The following TCF4 variants were observed in gnomAD, a reference collection of about 807,000 sequenced individuals.
The protein encoded by TCF4 is transcription factor 4, also known as SL3-3 enhancer factor 2.
TCF4 carries 3 observed loss-of-function variants against 82.1 expected under a neutral mutation model. The observed-to-expected ratio is 0.04, with a 90% confidence interval of 0.02 to 0.09. The LOEUF (loss-of-function observed/expected upper bound fraction) is 0.09. Ranked by LOEUF, TCF4 falls within the 10% of genes least tolerant of loss-of-function variation. TCF4 has a pLI of 1.00. For synonymous variants in TCF4, 276 were observed against 309.6 expected (o/e 0.89, Z 1.14); for missense variants, 518 against 852.7 (o/e 0.61, Z 4.89).
intron 3 of TCF4, 75 bp downstream of exon 3, chr18:55,585,205 G>A (rs2097627895): frequency 1.4e-6 from 2 of 1,413,214 alleles, no homozygotes; most frequent in East Asian, 2.3e-5. Flanking sequence ...CTCTTCAACA[G>A]AGCCAAAAAC....
chr18:55,429,900 T>C (rs150917843), intron 5 of TCF4, among the ~76,000 whole-genome samples: 83 of 150,740 alleles, frequency 5.5e-4, no homozygotes, highest in African/African-American at 1.8e-3. Flanking sequence ...TCAGAAACTA[T>C]CACAGTTTGG....
chr18:55,388,419 G>A (rs1044300038), intron 6 of TCF4, among the ~76,000 whole-genome samples: 1 of 152,298 alleles, frequency 6.6e-6, no homozygotes. Flanking sequence ...TACGCACCAC[G>A]CTATTGCAAC....
chr18:55,583,077 T>C (rs1810919048), intron 3 of TCF4, among the ~76,000 whole-genome samples: 1 of 152,148 alleles, frequency 6.6e-6, no homozygotes, highest in Non-Finnish European at 1.5e-5. Flanking sequence ...CACTCCAATC[T>C]GTACCCTACA....
intron 3 of TCF4, among the ~76,000 whole-genome samples, chr18:55,540,280 C>A (rs2097154532): frequency 6.6e-6 from 1 of 152,016 alleles, no homozygotes; most frequent in South Asian, 2.1e-4. Context: ...AGGAAATCTG[C>A]AGAACCCCCA....
At chr18:55,251,344 A>G (rs2055031850) in intron 15 of TCF4, among the ~76,000 whole-genome samples, 1 of 152,124 alleles carries the variant, frequency 6.6e-6, no homozygotes, top group Admixed American at 6.6e-5. Flanking sequence ...CCCTTTCATT[A>G]TACTAATACT....
At chr18:55,310,305 T>C (rs558494590) in intron 8 of TCF4, among the ~76,000 whole-genome samples, 3 of 152,202 alleles carry the variant, frequency 2.0e-5, no homozygotes, top group Non-Finnish European at 2.9e-5. Context: ...ACCAAAGATA[T>C]ACTGCAAATC....
chr18:55,475,223 C>T (rs951679921), intron 3 of TCF4, among the ~76,000 whole-genome samples: 5 of 152,192 alleles, frequency 3.3e-5, no homozygotes, highest in African/African-American at 7.2e-5. Flanking sequence ...GACATAATTC[C>T]TCAGCCTTTT....
intron 6 of TCF4, among the ~76,000 whole-genome samples, chr18:55,362,085 G>T (rs1184213090): frequency 6.6e-6 from 1 of 152,086 alleles, no homozygotes; most frequent in African/African-American, 2.4e-5. Context: ...CATGCTTGGA[G>T]CCTCCCAACT....
At chr18:55,616,375 A>C (rs2097712028) in intron 2 of TCF4, among the ~76,000 whole-genome samples, 1 of 152,046 alleles carries the variant, frequency 6.6e-6, no homozygotes, top group African/African-American at 2.4e-5. Context: ...CCATTGATAG[A>C]GATTAAGATT....
At chr18:55,579,277 T>C (rs555493550) in intron 3 of TCF4, among the ~76,000 whole-genome samples, 2 of 151,790 alleles carry the variant, frequency 1.3e-5, no homozygotes, top group Non-Finnish European at 1.5e-5. Context: ...GTAGCTCACA[T>C]ATAAGCTAAT....
chr18:55,468,449 G>A (rs972744885), intron 3 of TCF4, among the ~76,000 whole-genome samples: 1 of 152,164 alleles, frequency 6.6e-6, no homozygotes, highest in Admixed American at 6.5e-5. Flanking sequence ...ACAGAGGACA[G>A]AATATCCCAT....
intron 6 of TCF4, among the ~76,000 whole-genome samples, chr18:55,380,955 C>T (rs1345204492): frequency 6.6e-6 from 1 of 152,174 alleles, no homozygotes; most frequent in Non-Finnish European, 1.5e-5. Flanking sequence ...TTCCAATCAT[C>T]TTGCCCTCAT....
At chr18:55,333,068 T>A (rs1161094131) in intron 8 of TCF4, among the ~76,000 whole-genome samples, 1 of 152,220 alleles carries the variant, frequency 6.6e-6, no homozygotes, top group Non-Finnish European at 1.5e-5. Context: ...CTTTCAACAT[T>A]CTTAACAAAG....
chr18:55,534,146 A>G (rs1265733421), intron 3 of TCF4, among the ~76,000 whole-genome samples: 2 of 152,254 alleles, frequency 1.3e-5, no homozygotes, highest in East Asian at 1.9e-4. Context: ...AATTTTGTGC[A>G]TAAAACAGTT....
intron 15 of TCF4, 39 bp downstream of exon 15, chr18:55,254,458 T>G (rs542577471): frequency 3.4e-5 from 54 of 1,591,240 alleles, no homozygotes; most frequent in Admixed American, 1.2e-4. Flanking sequence ...ATTCTAACTC[T>G]ATATGATAAC....
At chr18:55,292,278 G>A (rs2065267856) in intron 8 of TCF4, among the ~76,000 whole-genome samples, 1 of 152,108 alleles carries the variant, frequency 6.6e-6, no homozygotes, top group African/African-American at 2.4e-5. Flanking sequence ...TAGTAAGAAT[G>A]ACCCTTTCAT....
At chr18:55,573,729 T>C (rs1331001252) in intron 3 of TCF4, among the ~76,000 whole-genome samples, 1 of 152,184 alleles carries the variant, frequency 6.6e-6, no homozygotes, top group Non-Finnish European at 1.5e-5. Flanking sequence ...ATATCCCTAT[T>C]GCAAACTCTT....
chr18:55,495,294 A>G (rs2096622444), intron 3 of TCF4, among the ~76,000 whole-genome samples: 1 of 151,582 alleles, frequency 6.6e-6, no homozygotes, highest in African/African-American at 2.4e-5. Flanking sequence ...GGTGGAGAAT[A>G]TAAGAAGGTA....
At chr18:55,635,313 A>C (rs1244935188) in intron 1 of TCF4, among the ~76,000 whole-genome samples, 3 of 152,178 alleles carry the variant, frequency 2.0e-5, no homozygotes, top group Non-Finnish European at 4.4e-5. Flanking sequence ...ATTCGAGGCC[A>C]GCCCAACCAA....
Sources: gnomAD v4.1 joint callset for allele counts (sites outside exome capture counted in the v4.1 genomes callset) on GRCh38, gnomAD v4.1.1 for gene constraint, MANE v1.5 for transcripts, NCBI Gene and HGNC (gene_info 2026-07-23, HGNC 2026-07-21) for gene names.